Variants in ANKDD1B observed in about 807,000 individuals in gnomAD.
The protein encoded by ANKDD1B is ankyrin repeat and death domain containing 1B, also known as ankyrin repeat and death domain-containing protein 1B.
ANKDD1B carries 57 observed loss-of-function variants against 59.7 expected under a neutral mutation model. That is an observed-to-expected ratio of 0.95 (90% CI 0.77 to 1.19). The LOEUF is 1.19. Ranked by LOEUF, ANKDD1B falls within the 50% of genes most tolerant of loss-of-function variation. The probability of loss-of-function intolerance (pLI) is 0.00; values close to 1 mark genes in which losing one functional copy is unlikely to be tolerated. For missense variants in ANKDD1B, 602 were observed against 641.9 expected (o/e 0.94, Z 0.67); for synonymous variants, 216 against 239.5 (o/e 0.90, Z 0.91).
At chr5:75,631,129 T>G (rs897948947) in intron 5 of ANKDD1B, among the ~76,000 whole-genome samples, 4 of 152,138 alleles carry the variant, frequency 2.6e-5, no homozygotes, top group African/African-American at 9.7e-5. Context: ...TATGTGTGGT[T>G]GTTCTGCAAA....
chr5:75,661,899 ATTTTTTTTTTT>A (rs35120763), intron 10 of ANKDD1B, among the ~76,000 whole-genome samples: 10 of 92,808 alleles, frequency 1.1e-4, no homozygotes, highest in East Asian at 3.2e-4. Flanking sequence ...GGCTCCCACA[ATTTTTTTTTTT>A]TTTTTTTTTT....
chr5:75,649,930 C>T (rs1774783913), intron 7 of ANKDD1B, among the ~76,000 whole-genome samples: 1 of 152,148 alleles, frequency 6.6e-6, no homozygotes, highest in Admixed American at 6.5e-5. Flanking sequence ...GTGTTGTTTA[C>T]CAACATATCC....
In ANKDD1B at chr5:75,637,189, G is replaced by A. The variant is rs188300004; in HGVS notation, c.798+1307G>A. Among the ~76,000 whole-genome samples, 6 of 137,380 alleles carry A rather than the reference G, an allele frequency of 4.4e-5. No homozygotes were observed. The East Asian group carries it at 1.3e-3, about 31-fold the overall frequency. The allele number at this position is 137,380 out of a possible 152,430, so 90.1% of individuals were successfully genotyped here. On this transcript the variant is annotated intron_variant, in intron 7 of 13. Transcript: ENST00000601380. ...GAACCCGGGAGGCAGAGGTTGCAGT[G>A]AGCCCAGATCGTACCACTGCACCTG...
intron 7 of ANKDD1B, among the ~76,000 whole-genome samples, chr5:75,650,774 G>C (rs1289805232): frequency 6.6e-6 from 1 of 152,178 alleles, no homozygotes; most frequent in Non-Finnish European, 1.5e-5. Context: ...CCAAAGCTCA[G>C]TGGCTTAAAA....
At chr5:75,642,282 C>A (rs1333372916) in intron 7 of ANKDD1B, among the ~76,000 whole-genome samples, 2 of 152,020 alleles carry the variant, frequency 1.3e-5, no homozygotes, top group Non-Finnish European at 2.9e-5. Flanking sequence ...GTCTACAGCT[C>A]CCAGCGTGAG....
chr5:75,668,444 A>G (rs886200033), intron 12 of ANKDD1B, among the ~76,000 whole-genome samples: 1 of 152,252 alleles, frequency 6.6e-6, no homozygotes, highest in African/African-American at 2.4e-5. Flanking sequence ...AAAGGAACAG[A>G]GGACTTGTCC....
chr5:75,616,271 A>T (rs147093813), intron 1 of ANKDD1B, among the ~76,000 whole-genome samples: 31 of 152,356 alleles, frequency 2.0e-4, no homozygotes, highest in African/African-American at 7.2e-4. Context: ...AGTAGATGTC[A>T]ATCTACTTCT....
intron 7 of ANKDD1B, among the ~76,000 whole-genome samples, chr5:75,647,741 C>T (rs1041260232): frequency 5.3e-5 from 7 of 130,898 alleles, no homozygotes; most frequent in African/African-American, 2.6e-4. Flanking sequence ...ACCCAGCCAT[C>T]CCAATACTGG....
intron 7 of ANKDD1B, among the ~76,000 whole-genome samples, chr5:75,640,696 C>G (rs886998502): frequency 2.6e-5 from 4 of 152,160 alleles, no homozygotes; most frequent in African/African-American, 9.7e-5. Context: ...ACCAACATTC[C>G]AAATAAAGTA....
chr5:75,612,312 G>GC (rs1365220210), intron 1 of ANKDD1B, among the ~76,000 whole-genome samples: 2 of 59,784 alleles, frequency 3.3e-5, no homozygotes, highest in African/African-American at 1.1e-4. Flanking sequence ...ATTTAAGTCT[G>GC]CCCCCGCCCC....
chr5:75,635,254 A>C, intron 6 of ANKDD1B: 1 of 324,440 alleles, frequency 3.1e-6, no homozygotes, highest in Non-Finnish European at 5.8e-6. Flanking sequence ...TCCATGATCA[A>C]CTCCACCCCT....
chr5:75,614,214 C>A (rs569220418), intron 1 of ANKDD1B, among the ~76,000 whole-genome samples: 25 of 152,164 alleles, frequency 1.6e-4, no homozygotes, highest in Non-Finnish European at 3.2e-4. Flanking sequence ...GCATTTGTGT[C>A]AGTTCTCCAA....
chr5:75,669,736 G>A (rs1004854108), intron 13 of ANKDD1B, among the ~76,000 whole-genome samples: 1 of 152,186 alleles, frequency 6.6e-6, no homozygotes, highest in Non-Finnish European at 1.5e-5. Context: ...ACGACTAAGA[G>A]TTGTCTTGCT....
At chr5:75,611,906 C>A (rs1390721103) in intron 1 of ANKDD1B, 79 bp downstream of exon 1, 1 of 1,146,586 alleles carries the variant, frequency 8.7e-7, no homozygotes, top group East Asian at 3.2e-5. Flanking sequence ...GTACCCAGAG[C>A]AGCACCTCCG....
At chr5:75,644,247 A>T (rs1173199950) in intron 7 of ANKDD1B, among the ~76,000 whole-genome samples, 9 of 41,330 alleles carry the variant, frequency 2.2e-4, no homozygotes, top group Non-Finnish European at 7.4e-5. Context: ...ACACATAACA[A>T]TATTAACTTT....
At chr5:75,628,106 A>G (rs990409322) in intron 5 of ANKDD1B, among the ~76,000 whole-genome samples, 20 of 152,208 alleles carry the variant, frequency 1.3e-4, no homozygotes, top group African/African-American at 4.3e-4. Context: ...TCTTAAGAAA[A>G]CTAAATTGAT....
chr5:75,655,454 G>A (rs1774946355), intron 8 of ANKDD1B, among the ~76,000 whole-genome samples: 1 of 152,256 alleles, frequency 6.6e-6, no homozygotes, highest in African/African-American at 2.4e-5. Flanking sequence ...AATTCCAAAT[G>A]TGCAATGATT....
intron 7 of ANKDD1B, among the ~76,000 whole-genome samples, chr5:75,651,887 C>T (rs1011249500): frequency 6.6e-6 from 1 of 152,052 alleles, no homozygotes; most frequent in Non-Finnish European, 1.5e-5. Context: ...TCTGATGAGG[C>T]CCTCTTCCTG....
chr5:75,650,271 T>C (rs1448882887), intron 7 of ANKDD1B, among the ~76,000 whole-genome samples: 1 of 152,184 alleles, frequency 6.6e-6, no homozygotes, highest in African/African-American at 2.4e-5. Context: ...AATGTAATCA[T>C]AAGGATCCTT....
Sources: allele counts gnomAD v4.1 joint callset (sites outside exome capture counted in the v4.1 genomes callset), GRCh38; gene constraint gnomAD v4.1.1; transcripts MANE v1.5; gene names NCBI Gene and HGNC (gene_info 2026-07-23, HGNC 2026-07-21).